The following MAPK10 variants were observed in gnomAD, a reference collection of about 807,000 sequenced individuals.
The protein encoded by MAPK10 is mitogen-activated protein kinase 10, also known as JNK3 alpha protein kinase.
Under a neutral mutation model 59.3 loss-of-function variants are expected in MAPK10, and 25 were observed. The ratio of observed to expected loss-of-function variants is 0.42; its 90% confidence interval spans 0.31 to 0.59. MAPK10 has a LOEUF of 0.59. Among genes scored for constraint, MAPK10 ranks in the 20% least tolerant of loss-of-function variants. The probability of loss-of-function intolerance (pLI) is 0.15; values close to 1 mark genes in which losing one functional copy is unlikely to be tolerated. For missense variants in MAPK10, 351 were observed against 568.9 expected (o/e 0.62, Z 3.90); for synonymous variants, 190 against 200.5 (o/e 0.95, Z 0.44).
intron 1 of MAPK10, among the ~76,000 whole-genome samples, chr4:86,490,984 C>T (rs1045609359): frequency 6.6e-6 from 1 of 151,600 alleles, no homozygotes; most frequent in Non-Finnish European, 1.5e-5. Context: ...ACTTTAAAAA[C>T]GTGCTATCTA....
chr4:86,050,981 C>T (rs1415678355), intron 11 of MAPK10, among the ~76,000 whole-genome samples: 2 of 152,160 alleles, frequency 1.3e-5, no homozygotes, highest in Non-Finnish European at 2.9e-5. Context: ...AGGAATTCAG[C>T]TTTCAAAATG....
intron 2 of MAPK10, among the ~76,000 whole-genome samples, chr4:86,234,637 T>C (rs541074043): frequency 4.3e-4 from 65 of 152,226 alleles, no homozygotes; most frequent in African/African-American, 1.4e-3. Flanking sequence ...AGCAACTGAA[T>C]AATAAATCAA....
At chr4:86,363,263 T>A (rs1272121057), upstream of MAPK10, among the ~76,000 whole-genome samples, 1 of 152,214 alleles carries the variant, frequency 6.6e-6, no homozygotes, top group African/African-American at 2.4e-5. Flanking sequence ...TATAGATGAT[T>A]TAAAATAATA....
intron 2 of MAPK10, among the ~76,000 whole-genome samples, chr4:86,256,156 G>T (rs1161306578): frequency 6.6e-6 from 1 of 152,092 alleles, no homozygotes; most frequent in East Asian, 1.9e-4. Flanking sequence ...AATTTTTATT[G>T]TATTTTGTAC....
intron 2 of MAPK10, 69 bp downstream of exon 2, chr4:86,354,461 G>T: frequency 1.7e-6 from 1 of 587,302 alleles, no homozygotes. Flanking sequence ...AAAACCATAT[G>T]CAATATTTAA....
chr4:86,327,075 A>G (rs1327501179), intron 2 of MAPK10: 1 of 151,872 alleles, frequency 6.6e-6, no homozygotes, highest in African/African-American at 2.4e-5. Flanking sequence ...GGCTCAAGCC[A>G]TCCTCCCACA....
intron 3 of MAPK10, among the ~76,000 whole-genome samples, chr4:86,185,064 G>A (rs987214258): frequency 4.6e-5 from 7 of 152,094 alleles, no homozygotes; most frequent in African/African-American, 1.4e-4. Flanking sequence ...TAAATACTCC[G>A]ATCATGACAG....
chr4:86,424,589 G>A (rs1160810326), intron 1 of MAPK10, among the ~76,000 whole-genome samples: 1 of 152,078 alleles, frequency 6.6e-6, no homozygotes, highest in Admixed American at 6.5e-5. Flanking sequence ...TAGTTAGGCT[G>A]GCTGCCTGCT....
chr4:86,493,592 T>C (rs2149076158), intron 1 of MAPK10, among the ~76,000 whole-genome samples: 1 of 152,260 alleles, frequency 6.6e-6, no homozygotes, highest in Non-Finnish European at 1.5e-5. Flanking sequence ...CTTTCTGTCA[T>C]TTTGGGCCTT....
intron 1 of MAPK10, among the ~76,000 whole-genome samples, chr4:86,486,011 C>G (rs942593219): frequency 6.6e-6 from 1 of 152,174 alleles, no homozygotes; most frequent in Non-Finnish European, 1.5e-5. Context: ...TCTGTCATGG[C>G]AGCCCAGGCC....
At chr4:86,353,843 C>T (rs1732967925) in intron 2 of MAPK10, among the ~76,000 whole-genome samples, 1 of 152,104 alleles carries the variant, frequency 6.6e-6, no homozygotes, top group South Asian at 2.1e-4. Flanking sequence ...GATTATAACT[C>T]GTTCATCTCT....
At chr4:86,139,528 C>A (rs2063109572) in intron 4 of MAPK10, among the ~76,000 whole-genome samples, 1 of 151,802 alleles carries the variant, frequency 6.6e-6, no homozygotes, top group African/African-American at 2.4e-5. Context: ...ATACAAAAGT[C>A]AATTCAAGAT....
At chr4:86,531,796 T>C (rs1341176704) in intron 1 of MAPK10, among the ~76,000 whole-genome samples, 4 of 152,042 alleles carry the variant, frequency 2.6e-5, no homozygotes, top group African/African-American at 9.7e-5. Flanking sequence ...GGCTGGACAT[T>C]AGGCCAGGAA....
intron 9 of MAPK10, among the ~76,000 whole-genome samples, chr4:86,077,922 T>C (rs2049846684): frequency 6.6e-6 from 1 of 152,222 alleles, no homozygotes; most frequent in Non-Finnish European, 1.5e-5. Context: ...CAGTTAGTAA[T>C]GTCTGCAACA....
intron 2 of MAPK10, among the ~76,000 whole-genome samples, chr4:86,318,123 C>T (rs2095824992): frequency 6.6e-6 from 1 of 152,140 alleles, no homozygotes; most frequent in African/African-American, 2.4e-5. Flanking sequence ...TCATCTTAAC[C>T]TGATTACATC....
At chr4:86,154,321 A>G (rs1454299699) in intron 4 of MAPK10, among the ~76,000 whole-genome samples, 2 of 152,266 alleles carry the variant, frequency 1.3e-5, no homozygotes, top group African/African-American at 4.8e-5. Context: ...TTTACAACTA[A>G]CATATTGTAA....
In MAPK10 at chr4:86,076,312, G is replaced by A. The variant is rs886186337; in HGVS notation, c.803-8357C>T. ...ACTGTCTGGCACTCCCTAGTGAGAT[G>A]CACCCGGTACCTCAGATGGAAATGC... is the stretch of plus-strand genomic sequence containing the variant. On this transcript the variant is annotated intron_variant, in intron 9 of 13. Coordinates refer to ENST00000641462, the MANE Select transcript of MAPK10 (RefSeq NM_138982.4). 2.0e-5 allele frequency among the ~76,000 whole-genome samples: 3 copies of A among 152,146 alleles called. No individual in the cohort carries two copies. In the East Asian group the frequency reaches 5.8e-4, roughly 29 times the overall value.
intron 4 of MAPK10, among the ~76,000 whole-genome samples, chr4:86,128,098 T>C (rs1052283298): frequency 6.6e-6 from 1 of 152,242 alleles, no homozygotes; most frequent in East Asian, 1.9e-4. Flanking sequence ...GTTTTATGCA[T>C]CCAATAGTCC....
intron 1 of MAPK10, among the ~76,000 whole-genome samples, chr4:86,585,331 A>C (rs909584048): frequency 5.3e-5 from 8 of 152,326 alleles, no homozygotes; most frequent in African/African-American, 1.9e-4. Context: ...GAAAACTGGA[A>C]TATATTACAA....
Sources: allele counts gnomAD v4.1 joint callset (sites outside exome capture counted in the v4.1 genomes callset), GRCh38; gene constraint gnomAD v4.1.1; transcripts MANE v1.5; gene names NCBI Gene and HGNC (gene_info 2026-07-23, HGNC 2026-07-21).